The following ATP8A2 variants were observed in gnomAD, a reference collection of about 807,000 sequenced individuals.
ATP8A2 encodes the protein ATPase phospholipid transporting 8A2, also known as phospholipid-transporting ATPase IB.
Under a neutral mutation model 165.6 loss-of-function variants are expected in ATP8A2, and 100 were observed. The ratio of observed to expected loss-of-function variants is 0.60; its 90% CI spans 0.51 to 0.71. The LOEUF (loss-of-function observed/expected upper bound fraction) is 0.71, where lower values mean the gene tolerates loss of function less well. Ranked by LOEUF, ATP8A2 falls within the 30% of genes least tolerant of loss-of-function variation. The pLI is 0.00. For missense variants in ATP8A2, 1,227 were observed against 1,479.5 expected (o/e 0.83, Z 2.80); for synonymous variants, 543 against 548.8 (o/e 0.99, Z 0.15).
At chr13:25,879,097 G>A (rs1477180664) in intron 33 of ATP8A2, among the ~76,000 whole-genome samples, 1 of 152,252 alleles carries the variant, frequency 6.6e-6, no homozygotes, top group Non-Finnish European at 1.5e-5. Context: ...ATTTGGCTCT[G>A]AGGACAAGAA....
chr13:25,937,362 CT>C (rs1555293658), intron 33 of ATP8A2, among the ~76,000 whole-genome samples: 10 of 38,806 alleles, frequency 2.6e-4, no homozygotes, highest in East Asian at 4.3e-3. Flanking sequence ...TTCTTTCTTT[CT>C]TTTTTTTTTT....
chr13:25,702,626 G>A (rs972303107), intron 25 of ATP8A2, among the ~76,000 whole-genome samples: 1 of 152,176 alleles, frequency 6.6e-6, no homozygotes, highest in Non-Finnish European at 1.5e-5. Context: ...GGCCTTTGGT[G>A]TAGAAGTGCA....
chr13:25,651,505 T>G (rs960299459), intron 24 of ATP8A2, among the ~76,000 whole-genome samples: 3 of 152,202 alleles, frequency 2.0e-5, no homozygotes, highest in Non-Finnish European at 2.9e-5. Flanking sequence ...TAAGCTTTTT[T>G]TTCTGCAGAT....
At chr13:25,743,029 G>A (rs1462169048) in intron 25 of ATP8A2, among the ~76,000 whole-genome samples, 1 of 152,090 alleles carries the variant, frequency 6.6e-6, no homozygotes, top group Non-Finnish European at 1.5e-5. Context: ...GTCCTAACCT[G>A]CTAGTACCTC....
chr13:25,775,461 G>A lies in ATP8A2; in HGVS notation c.2679+502G>A, dbSNP rs61947355. On this transcript the variant is annotated intron_variant, in intron 27 of 36. Transcript: ENST00000381655. The stretch of plus-strand genomic sequence containing the variant: ...GGGATACTTGGACACTGGTACTTAC[G>A]TGGGAAGGGTGTGGGAGTGAGGGGA... Among the ~76,000 whole-genome samples the A allele has an allele frequency of 3.4e-3, 514 of 152,292 alleles. 2 individuals are homozygous for A. Among genetic ancestry groups the A allele is most frequent in the South Asian group, 7.0e-3 (34 of 4,824 alleles).
chr13:25,430,349 TTCCTAGAAG>T (rs2034574361), intron 1 of ATP8A2, among the ~76,000 whole-genome samples: 1 of 152,100 alleles, frequency 6.6e-6, no homozygotes, highest in African/African-American at 2.4e-5. Flanking sequence ...ACAGTGTGAA[TTCCTAGAAG>T]CCCAAATAGG....
chr13:25,596,969 A>G (rs1481985526), intron 24 of ATP8A2, among the ~76,000 whole-genome samples: 1 of 152,130 alleles, frequency 6.6e-6, no homozygotes. Flanking sequence ...TATTATTGAT[A>G]ATATCTCATT....
intron 27 of ATP8A2, among the ~76,000 whole-genome samples, chr13:25,827,844 A>G (rs1951359240): frequency 1.3e-5 from 2 of 152,268 alleles, no homozygotes; most frequent in Admixed American, 1.3e-4. Flanking sequence ...TACCAAACCT[A>G]TTAAATGCAA....
chr13:26,019,887 G>T lies in ATP8A2; in HGVS notation c.3470-1G>T. On this transcript the variant is annotated splice_acceptor_variant, in intron 36 of 36. Transcript: ENST00000381655. LOFTEE classifies it high-confidence loss of function. ...GTTTCTCCTGTGTGCTTCACTTTCA[G>T]ATGGGTATGCTTTTTCTCAAGAAGA... 6.2e-7 allele frequency: 1 copy of T among 1,611,482 alleles called. No individual in the cohort carries two copies. The highest frequency in any genetic ancestry group is 1.1e-5 in the South Asian group (1 of 91,014).
chr13:25,573,725 C>T (rs911988635), intron 18 of ATP8A2, among the ~76,000 whole-genome samples: 2 of 152,048 alleles, frequency 1.3e-5, no homozygotes, highest in Non-Finnish European at 1.5e-5. Flanking sequence ...GGTAGTAGCA[C>T]TGGGTGTCTT....
At chr13:25,588,177 C>T (rs540479505) in intron 23 of ATP8A2, among the ~76,000 whole-genome samples, 8 of 152,174 alleles carry the variant, frequency 5.3e-5, no homozygotes, top group Admixed American at 2.6e-4. Flanking sequence ...CATAATTTTG[C>T]GCTTTAAAAT....
chr13:25,738,176 G>C (rs1297233238), intron 25 of ATP8A2, among the ~76,000 whole-genome samples: 1 of 152,164 alleles, frequency 6.6e-6, no homozygotes, highest in Non-Finnish European at 1.5e-5. Flanking sequence ...GCTGTCCAGA[G>C]GAAGTAGGGG....
At position 25,978,801 on chromosome 13, in the gene ATP8A2, T is replaced by G. The variant is rs572811576; in HGVS notation, c.3377+10122T>G. Among the ~76,000 whole-genome samples, 982 of 152,074 alleles carry G rather than the reference T, an allele frequency of 6.5e-3. 5 individuals are homozygous for G. The highest frequency in any genetic ancestry group is 0.027 in the Middle Eastern group (8 of 294). ...TAAAAATACAAAAAATTAGCCGGGCTTGGTGGCGGGCGCCTGTAGTCCCAG... is the reference window on the plus strand; with the variant it reads ...TAAAAATACAAAAAATTAGCCGGGCGTGGTGGCGGGCGCCTGTAGTCCCAG... On this transcript the variant is annotated intron_variant, in intron 35 of 36. Transcript: ENST00000381655.
At chr13:25,728,843 T>C (rs1297496223) in intron 25 of ATP8A2, among the ~76,000 whole-genome samples, 1 of 152,190 alleles carries the variant, frequency 6.6e-6, no homozygotes, top group Non-Finnish European at 1.5e-5. Flanking sequence ...TGCATCTGCA[T>C]ATAGAAGTGT....
rs1035022213 is a variant in ATP8A2, at chr13:25,561,106, T to C, written c.1397+1341T>C. On this transcript the variant is annotated intron_variant, in intron 15 of 36. Coordinates refer to ENST00000381655, the MANE Select transcript of ATP8A2 (RefSeq NM_016529.6). ...TTCACCGTGTTAGCCAGGATGGTCT[T>C]GATCTCCTGACCTCGTGATCTGCCT... is the stretch of plus-strand genomic sequence containing the variant. Among the ~76,000 whole-genome samples, 26 of 152,098 alleles carry C rather than the reference T, an allele frequency of 1.7e-4. 1 individual carries two copies. Among genetic ancestry groups the C allele is most frequent in the Admixed American group, 1.4e-3 (22 of 15,264 alleles).
At chr13:25,550,639 A>C (rs2038791507) in intron 10 of ATP8A2, among the ~76,000 whole-genome samples, 1 of 152,114 alleles carries the variant, frequency 6.6e-6, no homozygotes, top group Admixed American at 6.5e-5. Flanking sequence ...GCCTGTGATA[A>C]GGTTGCCATT....
intron 30 of ATP8A2, among the ~76,000 whole-genome samples, chr13:25,846,398 T>G (rs753505007): frequency 5.3e-5 from 8 of 152,090 alleles, no homozygotes; most frequent in Non-Finnish European, 1.0e-4. Context: ...AAGGACTGCT[T>G]CCTGGAGGAT....
In ATP8A2 at chr13:26,021,415, C is replaced by T. The variant is rs1329482709; in HGVS notation, c.*1430C>T. The T allele has an allele frequency of 1.3e-5, 2 of 152,234 alleles. No homozygotes were observed. Among genetic ancestry groups the T allele is most frequent in the African/African-American group, 2.4e-5 (1 of 41,456 alleles). 9.4% of individuals were successfully genotyped at this position (152,234 alleles called of 1,614,324 possible). A position where few individuals can be genotyped will look rare whatever the true frequency, so the allele number is the denominator to read the frequency against. The stretch of plus-strand genomic sequence containing the variant: ...AACACCTTTTTAAAAAATATACTGA[C>T]ATGGTTTCCTTTCTGTATCCCATCA... On this transcript the variant is annotated 3_prime_UTR_variant, in exon 37 of 37. Transcript: ENST00000381655.
chr13:25,742,655 TTCTCTCTCTCTC>T (rs10564366), intron 25 of ATP8A2, among the ~76,000 whole-genome samples: 2 of 144,876 alleles, frequency 1.4e-5, no homozygotes, highest in African/African-American at 5.3e-5. Flanking sequence ...CACTCCACTT[TTCTCTCTCTCTC>T]TCTCTCTCTC....
Sources: allele counts gnomAD v4.1 joint callset (sites outside exome capture counted in the v4.1 genomes callset), GRCh38; gene constraint gnomAD v4.1.1; transcripts MANE v1.5; gene names NCBI Gene and HGNC (gene_info 2026-07-23, HGNC 2026-07-21).